SNTG2: variants seen among roughly 807,000 people sequenced by gnomAD.
SNTG2 encodes gamma-2-syntrophin.
Under a neutral mutation model 70.9 loss-of-function variants are expected in SNTG2, and 74 were observed. The observed-to-expected ratio is 1.04, with a 90% CI of 0.86 to 1.27. The LOEUF (loss-of-function observed/expected upper bound fraction) is 1.27. Among genes scored for constraint, SNTG2 ranks in the 50% most tolerant of loss-of-function variants. The pLI is 0.00. For synonymous variants in SNTG2, 278 were observed against 273.8 expected, an observed-to-expected ratio of 1.02 and a Z score of -0.15; for missense variants, 717 against 690.7, an observed-to-expected ratio of 1.04 and a Z score of -0.43.
chr2:1,191,145 A>G (rs1672568936), intron 8 of SNTG2, among the ~76,000 whole-genome samples: 1 of 152,184 alleles, frequency 6.6e-6, no homozygotes, highest in African/African-American at 2.4e-5. Flanking sequence ...GAGGAACACT[A>G]GTGATGTCTT....
chr2:1,243,634 C>G (rs111375759), intron 11 of SNTG2, among the ~76,000 whole-genome samples: 2 of 152,194 alleles, frequency 1.3e-5, no homozygotes, highest in African/African-American at 4.8e-5. Context: ...CTGAGTGTTA[C>G]GGCCGTTAGA....
chr2:975,411 C>T (rs769229762), intron 1 of SNTG2, among the ~76,000 whole-genome samples: 3 of 152,246 alleles, frequency 2.0e-5, no homozygotes, highest in Non-Finnish European at 2.9e-5. Context: ...GCAAACCACA[C>T]CACACACTTG....
At chr2:1,281,558 T>C (rs1215862077) in intron 14 of SNTG2, among the ~76,000 whole-genome samples, 2 of 151,298 alleles carry the variant, frequency 1.3e-5, no homozygotes, top group Admixed American at 6.6e-5. Flanking sequence ...ATGTGGTGTG[T>C]GTGTGCACAA....
chr2:1,295,147 C>G (rs1360721449), intron 14 of SNTG2, among the ~76,000 whole-genome samples: 2 of 152,134 alleles, frequency 1.3e-5, no homozygotes, highest in Non-Finnish European at 2.9e-5. Flanking sequence ...CGCAGGGACT[C>G]TCGTGTGGCC....
chr2:993,978 G>A (rs1226877822), intron 1 of SNTG2, among the ~76,000 whole-genome samples: 2 of 151,984 alleles, frequency 1.3e-5, no homozygotes, highest in East Asian at 3.9e-4. Context: ...CCTTTGTCAT[G>A]TAAAGTTTTA....
chr2:1,294,532 A>G (rs1680121080), intron 14 of SNTG2, among the ~76,000 whole-genome samples: 1 of 152,202 alleles, frequency 6.6e-6, no homozygotes, highest in South Asian at 2.1e-4. Context: ...AGATGATCCA[A>G]TTTATATTTA....
chr2:1,088,651 G>A (rs1421852292), intron 2 of SNTG2, among the ~76,000 whole-genome samples: 1 of 152,244 alleles, frequency 6.6e-6, no homozygotes, highest in Non-Finnish European at 1.5e-5. Flanking sequence ...ACCAGTGGAA[G>A]AATCATATAA....
chr2:1,354,124 C>T (rs1014949729), intron 16 of SNTG2, among the ~76,000 whole-genome samples: 1 of 152,138 alleles, frequency 6.6e-6, no homozygotes, highest in African/African-American at 2.4e-5. Flanking sequence ...TTGTTTCAGC[C>T]ACCGTTAAAT....
chr2:1,209,070 C>G (rs760289137), intron 8 of SNTG2, 33 bp from the exon 9 acceptor site: 10 of 1,611,108 alleles, frequency 6.2e-6, no homozygotes, highest in Admixed American at 5.0e-5. Context: ...TCCTCTGCCT[C>G]TGTGACGCTT....
chr2:1,248,385 A>C (rs570037444), intron 12 of SNTG2, among the ~76,000 whole-genome samples: 1 of 152,330 alleles, frequency 6.6e-6, no homozygotes, highest in South Asian at 2.1e-4. Context: ...CAGCATTACT[A>C]ACCACACTTC....
chr2:1,133,581 A>T lies in SNTG2; in HGVS notation c.326-4041A>T, dbSNP rs888470716. 3.9e-5 allele frequency among the ~76,000 whole-genome samples: 6 copies of T among 152,340 alleles called. No individual in the cohort carries two copies. In the East Asian group the frequency reaches 1.2e-3, roughly 29 times the overall value. The stretch of plus-strand genomic sequence containing the variant: ...ATGAACTAGAATCACTTTTCAGCTA[A>T]AATCAACAAACCTTGCCTAATCTGA... On this transcript the variant is annotated intron_variant, in intron 4 of 16. Transcript: ENST00000308624.
chr2:1,030,065 G>C (rs1660729488), intron 1 of SNTG2, among the ~76,000 whole-genome samples: 1 of 152,180 alleles, frequency 6.6e-6, no homozygotes, highest in Non-Finnish European at 1.5e-5. Flanking sequence ...AGTGGCTGCA[G>C]GTTGTCTTAG....
rs144982427 is a variant in SNTG2, at chr2:1,012,580, G to A, written c.72+61512G>A. 5.2e-3 allele frequency among the ~76,000 whole-genome samples: 764 copies of A among 146,596 alleles called. 9 individuals are homozygous for A. The highest frequency in any genetic ancestry group is 0.018 in the African/African-American group (730 of 40,774). On this transcript the variant is annotated intron_variant, in intron 1 of 16. Transcript: ENST00000308624. ...CAGAGAGAAGGGTGGTCTGGAGAAG[G>A]ATTTATAAGGGCAGAGAGAAGGGTG...
chr2:1,021,936 C>CTTT (rs71392556), intron 1 of SNTG2, among the ~76,000 whole-genome samples: 15,496 of 120,856 alleles, frequency 0.13, 2,250 homozygotes, highest in African/African-American at 0.35. Flanking sequence ...GTTTTATGTG[C>CTTT]TTTTTTTTTT....
chr2:1,296,844 G>T (rs532322198), intron 14 of SNTG2, among the ~76,000 whole-genome samples: 43 of 152,230 alleles, frequency 2.8e-4, no homozygotes, highest in Admixed American at 1.5e-3. Context: ...AGAAGAAGTT[G>T]CTGGGCTGAC....
At chr2:1,022,359 C>T (rs1660230488) in intron 1 of SNTG2, among the ~76,000 whole-genome samples, 1 of 151,904 alleles carries the variant, frequency 6.6e-6, no homozygotes, top group Non-Finnish European at 1.5e-5. Context: ...CTGTGCGTTC[C>T]CGTGAATCCC....
intron 1 of SNTG2, among the ~76,000 whole-genome samples, chr2:1,047,217 A>C (rs1661789117): frequency 6.6e-6 from 1 of 152,130 alleles, no homozygotes; most frequent in Non-Finnish European, 1.5e-5. Context: ...GGTTCTTTTT[A>C]AAATGGGTAT....
At chr2:1,181,364 G>A (rs1671884416) in intron 8 of SNTG2, among the ~76,000 whole-genome samples, 1 of 152,166 alleles carries the variant, frequency 6.6e-6, no homozygotes, top group Non-Finnish European at 1.5e-5. Context: ...TGAAAGAGGT[G>A]AGTTGGAAAC....
rs145353214 is a variant in SNTG2 at position 1,076,099 on chromosome 2, G to A, written c.73-7419G>A. ...ACATATGACTAAAGTCATTGGTCAC[G>A]CAAAAATCTTCAATGCCAGTTATAC... On this transcript the variant is annotated intron_variant, in intron 1 of 16. Transcript: ENST00000308624. Among the ~76,000 whole-genome samples, 12 of 152,294 alleles carry A rather than the reference G, an allele frequency of 7.9e-5. No homozygotes were observed. In the East Asian group the frequency reaches 2.3e-3, roughly 29 times the overall value.
Sources: allele counts gnomAD v4.1 joint callset (sites outside exome capture counted in the v4.1 genomes callset), GRCh38; gene constraint gnomAD v4.1.1; transcripts MANE v1.5; gene names NCBI Gene and HGNC (gene_info 2026-07-23, HGNC 2026-07-21).